PLCXD3: variants seen among roughly 807,000 people sequenced by gnomAD.
PLCXD3 encodes the protein PI-PLC X domain-containing protein 3.
Under a neutral mutation model 25.5 loss-of-function variants are expected in PLCXD3, and 19 were observed. The ratio of observed to expected loss-of-function variants is 0.75; its 90% CI spans 0.52 to 1.09. The LOEUF (loss-of-function observed/expected upper bound fraction) is 1.09. Ranked by LOEUF, PLCXD3 falls within the 50% of genes least tolerant of loss-of-function variation. The pLI is 0.00. For synonymous variants in PLCXD3, 174 were observed against 137.6 expected, an observed-to-expected ratio of 1.26 and a Z score of -1.85; for missense variants, 411 against 388.1, an observed-to-expected ratio of 1.06 and a Z score of -0.50.
At chr5:41,440,215 A>ATTTTTTTTTTTTT (rs70988846) in intron 1 of PLCXD3, among the ~76,000 whole-genome samples, 22 of 41,080 alleles carry the variant, frequency 5.4e-4, no homozygotes, top group African/African-American at 2.1e-3. Flanking sequence ...TAATCTCTCA[A>ATTTTTTTTTTTTT]TTTTTTTTTT....
intron 1 of PLCXD3, among the ~76,000 whole-genome samples, chr5:41,469,082 T>C (rs1232136424): frequency 6.6e-6 from 1 of 152,168 alleles, no homozygotes; most frequent in South Asian, 2.1e-4. Flanking sequence ...GGTTTTATCA[T>C]GAATAGTTGT....
At chr5:41,454,554 A>T (rs370289161) in intron 1 of PLCXD3, among the ~76,000 whole-genome samples, 29 of 151,984 alleles carry the variant, frequency 1.9e-4, no homozygotes, top group South Asian at 1.7e-3. Flanking sequence ...TAATACTTTC[A>T]CCCTGGTGAT....
At position 41,497,205 on chromosome 5, in the gene PLCXD3, G is replaced by C. The variant is rs1268357417; in HGVS notation, c.103+13219C>G. On this transcript the variant is annotated intron_variant, in intron 1 of 2. Coordinates refer to ENST00000377801, the MANE Select transcript of PLCXD3 (RefSeq NM_001005473.3). ...AAACATAACTAACAAGACAGCAATA[G>C]TAAGTCTTTTACTATACAATTTTTT... Among the ~76,000 whole-genome samples the C allele has an allele frequency of 2.6e-5, 4 of 151,800 alleles. No homozygotes were observed. The East Asian group carries it at 7.7e-4, about 29-fold the overall frequency.
At chr5:41,366,526 G>T (rs930869544) in intron 2 of PLCXD3, among the ~76,000 whole-genome samples, 1 of 152,186 alleles carries the variant, frequency 6.6e-6, no homozygotes, top group African/African-American at 2.4e-5. Context: ...AGCAATGTAT[G>T]CTTACAGGTG....
intron 2 of PLCXD3, among the ~76,000 whole-genome samples, chr5:41,356,680 C>T (rs924953975): frequency 6.6e-6 from 1 of 152,086 alleles, no homozygotes; most frequent in African/African-American, 2.4e-5. Flanking sequence ...CTGAACAAAC[C>T]TTTTTGCCAT....
intron 2 of PLCXD3, among the ~76,000 whole-genome samples, chr5:41,379,216 A>G (rs1745383220): frequency 6.6e-6 from 1 of 152,100 alleles, no homozygotes; most frequent in Non-Finnish European, 1.5e-5. Context: ...CTAGTGACCC[A>G]TCAGAGATTC....
chr5:41,489,496 C>A lies in PLCXD3; in HGVS notation c.103+20928G>T, dbSNP rs369601738. On this transcript the variant is annotated intron_variant, in intron 1 of 2. Transcript: ENST00000377801. ...GCATTGGTAGCTTGATGGGGATGGC[C>A]TTGAATCTGTAAATTACCTTGGGCA... Among the ~76,000 whole-genome samples, 48 of 152,166 alleles carry A rather than the reference C, an allele frequency of 3.2e-4. 1 individual carries two copies. Among genetic ancestry groups the A allele is most frequent in the Non-Finnish European group, 4.0e-4 (27 of 68,008 alleles).
At chr5:41,476,451 A>C (rs1294222664) in intron 1 of PLCXD3, among the ~76,000 whole-genome samples, 2 of 152,220 alleles carry the variant, frequency 1.3e-5, no homozygotes, top group Admixed American at 1.3e-4. Context: ...CATGCCAGGT[A>C]GAGTATGCCT....
At chr5:41,400,095 TATC>T (rs1350199913) in intron 1 of PLCXD3, among the ~76,000 whole-genome samples, 1 of 152,038 alleles carries the variant, frequency 6.6e-6, no homozygotes, top group Admixed American at 6.6e-5. Flanking sequence ...AGATGCACAA[TATC>T]ATTGATTATC....
chr5:41,446,208 C>T lies in PLCXD3; in HGVS notation c.104-63674G>A, dbSNP rs201332322. ...AAAAAAAAAAAAAAAAAAAGAACAA[C>T]GAGAGAATAGTGAGGGTTGGGGTTT... On this transcript the variant is annotated intron_variant, in intron 1 of 2. Coordinates refer to ENST00000377801, the MANE Select transcript of PLCXD3 (RefSeq NM_001005473.3). 1.0e-4 allele frequency among the ~76,000 whole-genome samples: 7 copies of T among 70,184 alleles called. No homozygotes were observed. In the East Asian group the frequency reaches 2.0e-3, roughly 20 times the overall value. The allele number at this position is 70,184 out of a possible 152,430, so 46.0% of individuals were successfully genotyped here.
At chr5:41,431,681 A>G (rs1747108659) in intron 1 of PLCXD3, among the ~76,000 whole-genome samples, 1 of 152,198 alleles carries the variant, frequency 6.6e-6, no homozygotes, top group African/African-American at 2.4e-5. Context: ...GATTGTTTTC[A>G]GATTAAATGT....
chr5:41,326,976 A>G (rs563476034), intron 2 of PLCXD3, among the ~76,000 whole-genome samples: 3 of 152,200 alleles, frequency 2.0e-5, no homozygotes, highest in Non-Finnish European at 4.4e-5. Flanking sequence ...ATGGTACAAT[A>G]GAAGTGGGCA....
chr5:41,374,993 C>T (rs1224571593), intron 2 of PLCXD3, among the ~76,000 whole-genome samples: 1 of 152,062 alleles, frequency 6.6e-6, no homozygotes, highest in East Asian at 1.9e-4. Flanking sequence ...AAATGACTGG[C>T]ACTGCAGCTG....
intron 1 of PLCXD3, among the ~76,000 whole-genome samples, chr5:41,426,922 T>C (rs1746968009): frequency 6.6e-6 from 1 of 152,150 alleles, no homozygotes; most frequent in South Asian, 2.1e-4. Context: ...ATGACTATTA[T>C]TGGTATCAGT....
In PLCXD3 at chr5:41,324,496, C is replaced by A. The variant is rs577417195; in HGVS notation, c.813-10726G>T. 9.9e-5 allele frequency among the ~76,000 whole-genome samples: 15 copies of A among 152,234 alleles called. No individual in the cohort carries two copies. In the East Asian group the frequency reaches 2.9e-3, roughly 29 times the overall value. On this transcript the variant is annotated intron_variant, in intron 2 of 2. Coordinates refer to ENST00000377801, the MANE Select transcript of PLCXD3 (RefSeq NM_001005473.3). ...AGAGCATAATGTTGACCTAAATGGCCCAATGCCTTTAGGAAATAGAGCAGC... is the reference window on the plus strand; with the variant it reads ...AGAGCATAATGTTGACCTAAATGGCACAATGCCTTTAGGAAATAGAGCAGC...
intron 2 of PLCXD3, among the ~76,000 whole-genome samples, chr5:41,348,162 A>G (rs1744354585): frequency 6.6e-6 from 1 of 152,180 alleles, no homozygotes. Context: ...CGTTTACTAA[A>G]TGAGTTAGAG....
At chr5:41,353,120 T>A (rs1157035950) in intron 2 of PLCXD3, among the ~76,000 whole-genome samples, 2 of 142,812 alleles carry the variant, frequency 1.4e-5, no homozygotes, top group East Asian at 4.3e-4. Flanking sequence ...TGAGACAGAG[T>A]CTCGCTCTGT....
Position 41,382,501 on chromosome 5 carries a change from T to C in PLCXD3, c.137A>G (p.Glu46Gly), listed in dbSNP as rs556717002. ...SHDSFSFYIDEASPVGPEQPE... is the reference protein window; with the variant it reads ...SHDSFSFYIDGASPVGPEQPE... The stretch of plus-strand genomic sequence containing the variant: ...CTGCTCAGGACCTACTGGAGAGGCT[T>C]CATCAATGTAGAAGCTGAAGGAATC... The change falls in exon 2 of 3, where the codon GAA (glutamate) becomes GGA (glycine). Residue 46 changes from glutamate to glycine, a missense_variant. Physicochemically the swap from Glu to Gly is moderately conservative, Grantham distance 98 (BLOSUM62 -2). Coordinates refer to ENST00000377801, the MANE Select transcript of PLCXD3 (RefSeq NM_001005473.3). 4 of 1,605,294 alleles carry C rather than the reference T, an allele frequency of 2.5e-6. No homozygotes were observed. Among genetic ancestry groups the C allele is most frequent in the Non-Finnish European group, 3.4e-6 (4 of 1,178,490 alleles).
chr5:41,391,491 T>C (rs955799970), intron 1 of PLCXD3, among the ~76,000 whole-genome samples: 2 of 152,152 alleles, frequency 1.3e-5, no homozygotes, highest in African/African-American at 4.8e-5. Context: ...AAGAAAGAGA[T>C]GTAGTTCTGC....
Sources: gnomAD v4.1 joint callset for allele counts (sites outside exome capture counted in the v4.1 genomes callset) on GRCh38, gnomAD v4.1.1 for gene constraint, MANE v1.5 for transcripts, NCBI Gene and HGNC (gene_info 2026-07-23, HGNC 2026-07-21) for gene names.